The following TDRD1 variants were observed in gnomAD, a reference collection of about 807,000 sequenced individuals.
TDRD1 encodes tudor domain containing 1.
Under a neutral mutation model 140.6 loss-of-function variants are expected in TDRD1, and 37 were observed. The ratio of observed to expected loss-of-function variants is 0.26; its 90% confidence interval spans 0.20 to 0.35. The LOEUF is 0.35. TDRD1 is among the 10% of genes least tolerant of loss of function. The pLI is 1.00. For missense variants in TDRD1, 1,243 were observed against 1,393.0 expected (o/e 0.89, Z 1.71); for synonymous variants, 506 against 475.7 (o/e 1.06, Z -0.83).
chr10:114,203,336 C>G, intron 7 of TDRD1, 52 bp from the exon 8 acceptor site: 17 of 1,542,702 alleles, frequency 1.1e-5, no homozygotes, highest in Non-Finnish European at 1.5e-5. Context: ...AAGAAATTTA[C>G]ATTTCCTTGT....
At chr10:114,214,047 A>C in exon 16 of TDRD1, 1 of 1,612,016 alleles carries the variant, frequency 6.2e-7, no homozygotes, top group South Asian at 1.1e-5. Context: ...TTGACCAAAC[A>C]GTAGATGTTG....
At chr10:114,213,457 C>G in exon 15 of TDRD1, 1 of 1,613,980 alleles carries the variant, frequency 6.2e-7, no homozygotes, top group East Asian at 2.2e-5. Flanking sequence ...GAAAACAGTT[C>G]CCTGGTGGAG....
At chr10:114,215,926 T>C (rs994167997) in intron 16 of TDRD1, among the ~76,000 whole-genome samples, 4 of 152,188 alleles carry the variant, frequency 2.6e-5, no homozygotes, top group Admixed American at 6.5e-5. Context: ...ATATAATCCT[T>C]TTCTATATCT....
intron 25 of TDRD1, among the ~76,000 whole-genome samples, chr10:114,230,102 A>C (rs2133235932): frequency 6.6e-6 from 1 of 152,328 alleles, no homozygotes; most frequent in East Asian, 1.9e-4. Flanking sequence ...AAGTGCTGGG[A>C]TTACAGGCGT....
chr10:114,196,769 G>A (rs1245214596), intron 3 of TDRD1, among the ~76,000 whole-genome samples: 1 of 148,626 alleles, frequency 6.7e-6, no homozygotes, highest in Admixed American at 6.7e-5. Flanking sequence ...TTACTCTGGG[G>A]CTCACTCAGC....
At chr10:114,191,592 T>C (rs552415604) in intron 3 of TDRD1, among the ~76,000 whole-genome samples, 3 of 152,236 alleles carry the variant, frequency 2.0e-5, no homozygotes, top group Non-Finnish European at 4.4e-5. Flanking sequence ...TAGTATTCCA[T>C]GGTATGGACA....
chr10:114,217,309 A>C (rs2133118196), intron 16 of TDRD1, among the ~76,000 whole-genome samples: 1 of 152,192 alleles, frequency 6.6e-6, no homozygotes, highest in South Asian at 2.1e-4. Flanking sequence ...TCATGCTGTA[A>C]TTGTTTCTTT....
At chr10:114,220,272 A>G (rs1275483136) in intron 18 of TDRD1, among the ~76,000 whole-genome samples, 1 of 152,236 alleles carries the variant, frequency 6.6e-6, no homozygotes, top group Non-Finnish European at 1.5e-5. Flanking sequence ...TACATAACAG[A>G]ACATGATGGT....
At position 114,217,675 on chromosome 10, in the gene TDRD1, A is replaced by G. The variant is rs757202133; in HGVS notation, c.2323+20A>G. 24 of 1,331,534 alleles carry G rather than the reference A, an allele frequency of 1.8e-5. No individual in the cohort carries two copies. The highest frequency in any genetic ancestry group is 3.7e-5 in the South Asian group (3 of 82,018). 82.5% of individuals were successfully genotyped at this position (1,331,534 alleles called of 1,614,324 possible). On this transcript the variant is annotated intron_variant, in intron 17 of 25. Coordinates refer to ENST00000251864, the Ensembl canonical transcript of TDRD1. ...TTGCAGGTAAGTTGCAATTGATGCAATCTTGACTTTTAGAACCTTATATTT... is the reference window on the plus strand; with the variant it reads ...TTGCAGGTAAGTTGCAATTGATGCAGTCTTGACTTTTAGAACCTTATATTT...
intron 21 of TDRD1, among the ~76,000 whole-genome samples, chr10:114,223,451 C>A (rs1025942536): frequency 6.6e-6 from 1 of 152,182 alleles, no homozygotes; most frequent in Non-Finnish European, 1.5e-5. Flanking sequence ...GTTTCAAAAC[C>A]CCCCATCTGG....
chr10:114,200,366 T>C, intron 4 of TDRD1, among the ~76,000 whole-genome samples: 1 of 148,198 alleles, frequency 6.7e-6, no homozygotes, highest in Non-Finnish European at 1.5e-5. Flanking sequence ...GTTACTTCTT[T>C]GTGGGTTTGT....
At chr10:114,179,502 G>C (rs180961127) in intron 1 of TDRD1, 86 bp downstream of exon 1, 1 of 152,866 alleles carries the variant, frequency 6.5e-6, no homozygotes, top group African/African-American at 2.4e-5. Flanking sequence ...GCCAGACGTT[G>C]GGCGCTGGAC....
chr10:114,184,769 A>G (rs2033383983), intron 1 of TDRD1, among the ~76,000 whole-genome samples: 2 of 152,120 alleles, frequency 1.3e-5, no homozygotes, highest in Admixed American at 6.5e-5. Flanking sequence ...TATGTTTGCT[A>G]TCATTTCCTT....
At position 114,201,399 on chromosome 10, in the gene TDRD1, GTGT is replaced by G; in HGVS notation, c.530-9_530-7del. On this transcript the variant is annotated splice_polypyrimidine_tract_variant and splice_region_variant and intron_variant, in intron 4 of 25. Transcript: ENST00000251864. ...CTTCATCTGAACTATTTTGTGGGTG[GTGT>G]TTTCTAGGATCGCTGAGGTGCTCTC... is the stretch of plus-strand genomic sequence containing the variant. 1 of 1,610,578 alleles carries G rather than the reference GTGT, an allele frequency of 6.2e-7. No homozygotes were observed. The highest frequency in any genetic ancestry group is 8.5e-7 in the Non-Finnish European group (1 of 1,176,972).
chr10:114,186,255 C>G (rs2033512384), intron 1 of TDRD1, among the ~76,000 whole-genome samples: 2 of 146,638 alleles, frequency 1.4e-5, no homozygotes, highest in South Asian at 4.2e-4. Flanking sequence ...CCACCTGATT[C>G]CCCTGGAGTT....
At chr10:114,221,307 C>T (rs773893596) in intron 19 of TDRD1, 50 bp from the exon 20 acceptor site, 67 of 1,566,778 alleles carry the variant, frequency 4.3e-5, no homozygotes, top group Non-Finnish European at 5.2e-5. Context: ...AGGAAAACAA[C>T]AGTACATTTT....
In TDRD1 at chr10:114,201,534, T is replaced by C. The variant is rs2034740419; in HGVS notation, c.635+19T>C. 6.3e-7 allele frequency: 1 copy of C among 1,596,816 alleles called. No homozygotes were observed. The highest frequency in any genetic ancestry group is 1.3e-5 in the African/African-American group (1 of 74,592). ...AGCCAAAGTAAGGATTTATGATCTT[T>C]TTATTCATTAAGGATTATGTAAAAG... On this transcript the variant is annotated intron_variant, in intron 5 of 25. Coordinates refer to ENST00000251864, the Ensembl canonical transcript of TDRD1.
Position 114,210,726 on chromosome 10 carries a change from T to C in TDRD1, c.1530T>C (p.Phe510=), listed in dbSNP as rs200665050. 2.5e-6 allele frequency: 4 copies of C among 1,610,924 alleles called. No homozygotes were observed. The African/African-American group carries it at 5.3e-5, about 21-fold the overall frequency. The change falls in exon 12 of 26, where the codon TTT becomes TTC. Residue 510 remains phenylalanine (F), a synonymous_variant. Coordinates refer to ENST00000251864, the Ensembl canonical transcript of TDRD1. ...ACATTCAAACACCAGAAGACTTCTT[T>C]TGTCAACAACTGCAAAGTGGCCGTA...
intron 11 of TDRD1, among the ~76,000 whole-genome samples, chr10:114,208,070 C>T (rs1485034338): frequency 6.6e-6 from 1 of 151,898 alleles, no homozygotes; most frequent in Non-Finnish European, 1.5e-5. Context: ...TGCAAGAAAA[C>T]GAACATGTGT....
Sources: gnomAD v4.1 joint callset for allele counts (sites outside exome capture counted in the v4.1 genomes callset) on GRCh38, gnomAD v4.1.1 for gene constraint, MANE v1.5 for transcripts, NCBI Gene and HGNC (gene_info 2026-07-23, HGNC 2026-07-21) for gene names.